Variants in SVOP observed in about 807,000 individuals in gnomAD.
SVOP encodes the protein SV2 related protein.
A neutral mutation model predicts 69.1 loss-of-function variants in SVOP; 17 were observed. The ratio of observed to expected loss-of-function variants is 0.25; its 90% CI spans 0.17 to 0.37. The LOEUF (loss-of-function observed/expected upper bound fraction) is 0.37, where lower values mean the gene tolerates loss of function less well. SVOP is among the 10% of genes least tolerant of loss of function. The pLI, the probability that SVOP is intolerant of heterozygous loss-of-function variation, is 1.00. For missense variants in SVOP, 435 were observed against 597.5 expected, an observed-to-expected ratio of 0.73 and a Z score of 2.84; for synonymous variants, 238 against 238.6, an observed-to-expected ratio of 1.00 and a Z score of 0.02.
intron 6 of SVOP, among the ~76,000 whole-genome samples, chr12:108,948,865 TTA>T (rs2039938756): frequency 2.0e-5 from 3 of 152,230 alleles, no homozygotes; most frequent in Non-Finnish European, 4.4e-5. Flanking sequence ...ATTGCAACAA[TTA>T]TCATGGATGA....
chr12:108,941,513 T>C (rs2039891072), intron 7 of SVOP, among the ~76,000 whole-genome samples: 1 of 151,458 alleles, frequency 6.6e-6, no homozygotes, highest in Non-Finnish European at 1.5e-5. Flanking sequence ...AAATTTTTTA[T>C]TGTGGTAAAA....
intron 1 of SVOP, among the ~76,000 whole-genome samples, chr12:109,007,824 G>T (rs887923642): frequency 1.3e-5 from 2 of 152,236 alleles, no homozygotes; most frequent in East Asian, 3.9e-4. Context: ...GATCACCTGA[G>T]CCCAGGAGTT....
At chr12:108,931,621 C>A (rs569870065) in intron 11 of SVOP, among the ~76,000 whole-genome samples, 1 of 152,258 alleles carries the variant, frequency 6.6e-6, no homozygotes, top group East Asian at 1.9e-4. Flanking sequence ...ATCACGAGGT[C>A]AAGAGATTGA....
chr12:108,968,285 C>A (rs1200591850), intron 5 of SVOP, among the ~76,000 whole-genome samples: 1 of 152,148 alleles, frequency 6.6e-6, no homozygotes, highest in Non-Finnish European at 1.5e-5. Context: ...AAATGCAGCC[C>A]CTTTCCTCAC....
Position 108,939,019 on chromosome 12 carries a change from T to C in SVOP, c.769-64A>G, listed in dbSNP as rs528262699. 4.0e-5 allele frequency: 64 copies of C among 1,609,818 alleles called. 1 individual carries two copies. In the South Asian group the frequency reaches 6.8e-4, roughly 17 times the overall value. Reference sequence around the variant, plus strand: ...TAGGGTGGAACAGAGCACTCGCTTCTAGCCACACAGTGTTGCATGTGGGGT... The same window carrying C: ...TAGGGTGGAACAGAGCACTCGCTTCCAGCCACACAGTGTTGCATGTGGGGT... On this transcript the variant is annotated intron_variant, in intron 8 of 15. Transcript: ENST00000610966.
At chr12:109,016,849 C>T (rs575842481) in intron 1 of SVOP, among the ~76,000 whole-genome samples, 2 of 151,678 alleles carry the variant, frequency 1.3e-5, no homozygotes, top group South Asian at 4.2e-4. Flanking sequence ...CTCAAGCAAT[C>T]CTCCTGCCTC....
chr12:109,005,526 C>G (rs2040301782), intron 1 of SVOP, among the ~76,000 whole-genome samples: 1 of 152,114 alleles, frequency 6.6e-6, no homozygotes, highest in African/African-American at 2.4e-5. Context: ...AGTGGATGCT[C>G]TGGTTGGCAA....
At chr12:108,934,336 C>T in intron 10 of SVOP, 65 bp from the exon 11 acceptor site, 1 of 1,424,500 alleles carries the variant, frequency 7.0e-7, no homozygotes, top group Non-Finnish European at 9.6e-7. Flanking sequence ...TTTCCCTACC[C>T]CCTTGGGAAG....
intron 9 of SVOP, 85 bp from the exon 10 acceptor site, chr12:108,937,422 C>A (rs1205455315): frequency 6.8e-6 from 9 of 1,320,990 alleles, no homozygotes; most frequent in Non-Finnish European, 9.8e-6. Context: ...TAGTGCACAC[C>A]AGGCTGGGAG....
intron 1 of SVOP, among the ~76,000 whole-genome samples, chr12:108,991,351 G>A (rs147158390): frequency 2.0e-3 from 304 of 152,238 alleles, no homozygotes; most frequent in African/African-American, 6.8e-3. Context: ...TCTAATCCCA[G>A]CACTTTAGGA....
intron 2 of SVOP, among the ~76,000 whole-genome samples, chr12:108,981,814 C>G (rs2040136527): frequency 6.6e-6 from 1 of 152,160 alleles, no homozygotes; most frequent in African/African-American, 2.4e-5. Flanking sequence ...ATCAGTGTCA[C>G]CATTACTATC....
chr12:108,968,787 G>T (rs1241696490), intron 5 of SVOP, among the ~76,000 whole-genome samples: 16 of 147,996 alleles, frequency 1.1e-4, no homozygotes, highest in African/African-American at 3.7e-4. Flanking sequence ...TTTGTCTCAG[G>T]AACAAATAAA....
chr12:108,963,560 T>C (rs1331244553), intron 5 of SVOP, among the ~76,000 whole-genome samples: 1 of 152,168 alleles, frequency 6.6e-6, no homozygotes, highest in Non-Finnish European at 1.5e-5. Context: ...CGATCTCAGC[T>C]CACTGCAACC....
chr12:108,982,224 AC>A (rs1368621464), intron 2 of SVOP, among the ~76,000 whole-genome samples: 1 of 150,430 alleles, frequency 6.6e-6, no homozygotes, highest in Non-Finnish European at 1.5e-5. Flanking sequence ...CATCTTCATC[AC>A]CATAATCATC....
At position 108,943,821 on chromosome 12, in the gene SVOP, G is replaced by C. The variant is rs538948728; in HGVS notation, c.642+1282C>G. Among the ~76,000 whole-genome samples the C allele has an allele frequency of 2.7e-5, 4 of 147,070 alleles. No homozygotes were observed. In the East Asian group the frequency reaches 5.9e-4, roughly 22 times the overall value. ...TTCTTCTCTTTCTCCTCCTCCTCCT[G>C]CTCCTCCTCCTCCTCCTCCTCCTTC... On this transcript the variant is annotated intron_variant, in intron 7 of 15. Transcript: ENST00000610966.
At chr12:109,003,351 T>C (rs2040284645) in intron 1 of SVOP, among the ~76,000 whole-genome samples, 1 of 152,240 alleles carries the variant, frequency 6.6e-6, no homozygotes. Context: ...CAGCAACTAT[T>C]GACCGTGCTC....
intron 15 of SVOP, among the ~76,000 whole-genome samples, chr12:108,913,072 TG>T (rs2039694582): frequency 6.6e-6 from 1 of 151,834 alleles, no homozygotes; most frequent in Non-Finnish European, 1.5e-5. Flanking sequence ...TTTTGTTTTT[TG>T]TTTTTTTTGT....
chr12:108,915,404 A>T (rs1288640947), intron 15 of SVOP, among the ~76,000 whole-genome samples: 1 of 152,036 alleles, frequency 6.6e-6, no homozygotes, highest in Non-Finnish European at 1.5e-5. Context: ...TGTGTATTCA[A>T]TGTCTAGCTC....
chr12:108,917,006 C>T lies in SVOP; in HGVS notation c.1350+1037G>A, dbSNP rs1254945020. 1.3e-5 allele frequency among the ~76,000 whole-genome samples: 2 copies of T among 152,226 alleles called. 1 individual carries two copies. The highest frequency in any genetic ancestry group is 4.8e-5 in the African/African-American group (2 of 41,460). On this transcript the variant is annotated intron_variant, in intron 14 of 15. Transcript: ENST00000610966. ...AAGCGATCCACCTGCCTCGGCCTCC[C>T]GAAGTGCTGGGTTTACAGGCGTGAA...
Sources: allele counts gnomAD v4.1 joint callset (sites outside exome capture counted in the v4.1 genomes callset), GRCh38; gene constraint gnomAD v4.1.1; transcripts MANE v1.5; gene names NCBI Gene and HGNC (gene_info 2026-07-23, HGNC 2026-07-21).